The following CUL4B variants were observed in gnomAD, a reference collection of about 807,000 sequenced individuals.
The protein encoded by CUL4B is cullin-4B.
A neutral mutation model predicts 69.2 loss-of-function variants in CUL4B; 1 was observed. The ratio of observed to expected loss-of-function variants is 0.01; its 90% CI spans 0.01 to 0.07. The LOEUF (loss-of-function observed/expected upper bound fraction) is 0.07, where lower values mean the gene tolerates loss of function less well. Among genes scored for constraint, CUL4B ranks in the 10% least tolerant of loss-of-function variants. The probability of loss-of-function intolerance (pLI) is 1.00; values close to 1 mark genes in which losing one functional copy is unlikely to be tolerated. For missense variants in CUL4B, 328 were observed against 638.8 expected, an observed-to-expected ratio of 0.51 and a Z score of 5.24; for synonymous variants, 237 against 223.2, an observed-to-expected ratio of 1.06 and a Z score of -0.55.
intron 15 of CUL4B, 116 bp from the exon 16 acceptor site, chrX:120,536,059 G>A (rs1304590349): frequency 2.3e-5 from 12 of 518,245 alleles, no homozygotes; most frequent in Non-Finnish European, 3.1e-5. Flanking sequence ...ATATCCAGTA[G>A]GTCCACCAAT....
intron 2 of CUL4B, among the ~76,000 whole-genome samples, chrX:120,573,059 G>C (rs1450002733): frequency 1.8e-5 from 2 of 111,348 alleles, no homozygotes; most frequent in African/African-American, 6.5e-5. Flanking sequence ...GTAAGTGTTG[G>C]TGGTCAGATA....
chrX:120,546,629 T>C lies in CUL4B; in HGVS notation c.777-13A>G. 8.8e-7 allele frequency: 1 copy of C among 1,140,430 alleles called. No individual in the cohort carries two copies. The highest frequency in any genetic ancestry group is 1.2e-6 in the Non-Finnish European group (1 of 831,641). 94.0% of individuals were successfully genotyped at this position (1,140,430 alleles called of 1,213,427 possible). On this transcript the variant is annotated splice_polypyrimidine_tract_variant and intron_variant, in intron 3 of 19. Transcript: ENST00000371322. ...ATCCAATGAATCCCTGAAACATATG[T>C]TAAGGATATTTTAAAGCGTTTGGTA...
In CUL4B at chrX:120,537,672, T is replaced by C. The variant is rs189694420; in HGVS notation, c.1938+452A>G. Among the ~76,000 whole-genome samples the C allele has an allele frequency of 2.4e-3, 266 of 112,034 alleles. 1 individual carries two copies. Among genetic ancestry groups the C allele is most frequent in the African/African-American group, 8.2e-3 (253 of 30,859 alleles). On this transcript the variant is annotated intron_variant, in intron 14 of 19. Coordinates refer to ENST00000371322, the MANE Select transcript of CUL4B (RefSeq NM_001079872.2). ...AGGAAAATCTAATTTGCCATCATTA[T>C]CACCTATGATCTTAAACATTTCAAA...
At position 120,526,632 on chromosome X, in the gene CUL4B, C is replaced by T; in HGVS notation, c.*129G>A. 2.2e-6 allele frequency: 1 copy of T among 454,441 alleles called. No homozygotes were observed. Among genetic ancestry groups the T allele is most frequent in the Admixed American group, 2.7e-5 (1 of 37,082 alleles). The allele number at this position is 454,441 out of a possible 1,213,427, so 37.5% of individuals were successfully genotyped here. On this transcript the variant is annotated 3_prime_UTR_variant, in exon 20 of 20. Transcript: ENST00000371322. ...AACCACTGAGAAAAAGTCCACTCAA[C>T]TATTTCCATTAATTACACTGCTTCA...
At chrX:120,534,071 G>GA (rs1193461808) in intron 17 of CUL4B, among the ~76,000 whole-genome samples, 6 of 106,209 alleles carry the variant, frequency 5.6e-5, no homozygotes, top group Admixed American at 2.0e-4. Flanking sequence ...GTCTTGAGGG[G>GA]AAAAAAAAAG....
intron 9 of CUL4B, among the ~76,000 whole-genome samples, chrX:120,542,606 T>C (rs1208726836): frequency 8.9e-6 from 1 of 111,807 alleles, no homozygotes; most frequent in African/African-American, 3.2e-5. Context: ...TTTCCCACTT[T>C]TTTTCTTTTA....
At chrX:120,552,052 G>T (rs1322605667) in intron 2 of CUL4B, among the ~76,000 whole-genome samples, 1 of 111,632 alleles carries the variant, frequency 9.0e-6, no homozygotes, top group African/African-American at 3.3e-5. Flanking sequence ...TATTATTTAT[G>T]TATTTTTACA....
At chrX:120,565,367 A>G (rs950653063), upstream of CUL4B, among the ~76,000 whole-genome samples, 2 of 109,075 alleles carry the variant, frequency 1.8e-5, no homozygotes, top group Admixed American at 2.0e-4. Flanking sequence ...CAACAACAAA[A>G]AGCAAAAACC....
At chrX:120,532,154 G>A (rs780481482) in intron 18 of CUL4B, among the ~76,000 whole-genome samples, 6 of 111,398 alleles carry the variant, frequency 5.4e-5, no homozygotes, top group Admixed American at 3.8e-4. Context: ...GCCATTTTTC[G>A]AAGCTATTTA....
At chrX:120,553,846 T>TAA (rs1924822055) in intron 2 of CUL4B, among the ~76,000 whole-genome samples, 1 of 112,073 alleles carries the variant, frequency 8.9e-6, no homozygotes, top group Admixed American at 9.5e-5. Context: ...TATTACTTAT[T>TAA]AATAGTAAAA....
intron 11 of CUL4B, 30 bp from the exon 12 acceptor site, chrX:120,539,402 T>C (rs1244314569): frequency 4.2e-6 from 4 of 946,688 alleles, no homozygotes; most frequent in Non-Finnish European, 4.5e-6. Context: ...TGTTGTTTAA[T>C]AACCGGGGAA....
At chrX:120,536,813 A>AAGAC in intron 15 of CUL4B, 114 bp downstream of exon 15, 1 of 540,049 alleles carries the variant, frequency 1.9e-6, no homozygotes, top group Admixed American at 2.7e-5. Context: ...CCTGAGCAAT[A>AAGAC]CAGCGAGACC....
rs939416302 is a variant in CUL4B, at chrX:120,539,436, T to A, written c.1637-64A>T. On this transcript the variant is annotated intron_variant, in intron 11 of 19. Transcript: ENST00000371322. The stretch of plus-strand genomic sequence containing the variant: ...AATACACGAGGTACTGGGCACTATA[T>A]ATACCCAAAGAGGAGTATGATACAC... 2.4e-5 allele frequency: 15 copies of A among 613,151 alleles called. No individual in the cohort carries two copies. The Admixed American group carries it at 3.6e-4, about 15-fold the overall frequency. The allele number at this position is 613,151 out of a possible 1,213,427, so 50.5% of individuals were successfully genotyped here.
At chrX:120,543,627 T>C (rs1924143562) in intron 8 of CUL4B, 100 bp downstream of exon 8, 1 of 596,964 alleles carries the variant, frequency 1.7e-6, no homozygotes, top group African/African-American at 2.2e-5. Context: ...ACACTTCAAA[T>C]CACACCTGAA....
At chrX:120,554,415 C>G (rs1273089763) in intron 2 of CUL4B, among the ~76,000 whole-genome samples, 1 of 112,063 alleles carries the variant, frequency 8.9e-6, no homozygotes, top group Non-Finnish European at 1.9e-5. Context: ...CGCAAACAAA[C>G]AAAACAGTCA....
intron 2 of CUL4B, among the ~76,000 whole-genome samples, chrX:120,556,256 C>T (rs1276300512): frequency 9.0e-6 from 1 of 111,656 alleles, no homozygotes; most frequent in East Asian, 2.8e-4. Flanking sequence ...CATTATAATG[C>T]TTATAATGTT....
intron 8 of CUL4B, among the ~76,000 whole-genome samples, chrX:120,543,495 AACACACACACACACAC>A (rs60058698): frequency 4.1e-5 from 4 of 98,153 alleles, no homozygotes; most frequent in African/African-American, 1.1e-4. Flanking sequence ...TTACCTTCTA[AACACACACACACACAC>A]ACACACACAC....
intron 15 of CUL4B, 108 bp from the exon 16 acceptor site, chrX:120,536,051 A>C: frequency 3.7e-6 from 2 of 546,992 alleles, no homozygotes. Flanking sequence ...TTAAGACTAT[A>C]TCCAGTAGGT....
chrX:120,545,597 T>C (rs1924266427), intron 4 of CUL4B, 80 bp from the exon 5 acceptor site: 2 of 666,364 alleles, frequency 3.0e-6, no homozygotes, highest in Non-Finnish European at 4.8e-6. Flanking sequence ...AGAATAAAAC[T>C]GAAGAGTTTG....
Sources: gnomAD v4.1 joint callset for allele counts (sites outside exome capture counted in the v4.1 genomes callset) on GRCh38, gnomAD v4.1.1 for gene constraint, MANE v1.5 for transcripts, NCBI Gene and HGNC (gene_info 2026-07-23, HGNC 2026-07-21) for gene names.